Variants in CCDC148 observed in about 807,000 individuals in gnomAD.
The protein encoded by CCDC148 is coiled-coil domain containing 148.
Under a neutral mutation model 85.7 loss-of-function variants are expected in CCDC148, and 89 were observed. The observed-to-expected ratio is 1.04, with a 90% CI of 0.87 to 1.24. The LOEUF (loss-of-function observed/expected upper bound fraction) is 1.24. Among genes scored for constraint, CCDC148 ranks in the 50% most tolerant of loss-of-function variants. CCDC148 has a pLI of 0.00. For synonymous variants in CCDC148, 230 were observed against 213.9 expected (o/e 1.08, Z -0.66); for missense variants, 692 against 671.7 (o/e 1.03, Z -0.33).
intron 2 of CCDC148, among the ~76,000 whole-genome samples, chr2:158,356,816 G>A (rs1459584317): frequency 4.6e-5 from 6 of 131,222 alleles, no homozygotes; most frequent in African/African-American, 1.8e-4. Context: ...CAATAGCAAA[G>A]ACTTGGAACC....
chr2:158,186,863 C>G (rs1056171519), intron 11 of CCDC148, among the ~76,000 whole-genome samples: 1 of 152,038 alleles, frequency 6.6e-6, no homozygotes, highest in African/African-American at 2.4e-5. Flanking sequence ...TTATCTCATT[C>G]TCTCCCCAGC....
At chr2:158,387,559 C>T (rs945346957) in intron 1 of CCDC148, among the ~76,000 whole-genome samples, 6 of 152,104 alleles carry the variant, frequency 3.9e-5, no homozygotes, top group African/African-American at 1.4e-4. Flanking sequence ...AGTCAGTGCT[C>T]CCCTGCCTTC....
chr2:158,443,515 A>AAAAAAAAAAAAAAAAAAGAAAAG (rs1553524474), intron 1 of CCDC148, among the ~76,000 whole-genome samples: 2 of 100,896 alleles, frequency 2.0e-5, no homozygotes, highest in Admixed American at 1.2e-4. Flanking sequence ...AAAAAAAAAA[A>AAAAAAAAAAAAAAAAAAGAAAAG]AAAAAAAAGA....
chr2:158,280,737 G>A (rs1357631221), intron 9 of CCDC148, among the ~76,000 whole-genome samples: 1 of 152,036 alleles, frequency 6.6e-6, no homozygotes, highest in East Asian at 1.9e-4. Flanking sequence ...AAGTCAACAA[G>A]GATACCCAGG....
intron 1 of CCDC148, among the ~76,000 whole-genome samples, chr2:158,364,070 A>G (rs1186123965): frequency 1.3e-5 from 2 of 152,252 alleles, no homozygotes; most frequent in African/African-American, 4.8e-5. Context: ...ATTGCTACAA[A>G]GAGAATAAAA....
intron 11 of CCDC148, among the ~76,000 whole-genome samples, chr2:158,204,870 A>G (rs139627912): frequency 6.6e-6 from 1 of 152,320 alleles, no homozygotes; most frequent in African/African-American, 2.4e-5. Context: ...AGCCACAGGA[A>G]TGTTCCCAGT....
At position 158,438,273 on chromosome 2, in the gene CCDC148, C is replaced by A. The variant is rs545398252; in HGVS notation, c.25+18142G>T. The stretch of plus-strand genomic sequence containing the variant: ...AATAGCATGGTACTGGTACCAAAAC[C>A]GAGATATAGACCAATGGAACAGAAC... On this transcript the variant is annotated intron_variant, in intron 1 of 13. Transcript: ENST00000283233. Among the ~76,000 whole-genome samples, 202 of 152,042 alleles carry A rather than the reference C, an allele frequency of 1.3e-3. 2 individuals carry two copies. The highest frequency in any genetic ancestry group is 3.9e-3 in the African/African-American group (160 of 41,476).
chr2:158,338,489 CAAT>C (rs1682502035), intron 7 of CCDC148: 1 of 352,766 alleles, frequency 2.8e-6, no homozygotes, highest in Non-Finnish European at 5.0e-6. Context: ...GTGAAGAGCT[CAAT>C]AAGAGACATT....
At chr2:158,228,363 C>T (rs975329398) in intron 10 of CCDC148, among the ~76,000 whole-genome samples, 1 of 152,142 alleles carries the variant, frequency 6.6e-6, no homozygotes, top group Admixed American at 6.5e-5. Context: ...GTTGGTGGGA[C>T]TGTAAACTAG....
intron 1 of CCDC148, among the ~76,000 whole-genome samples, chr2:158,385,246 G>T (rs1685038707): frequency 6.6e-6 from 1 of 152,066 alleles, no homozygotes; most frequent in African/African-American, 2.4e-5. Context: ...TCAACTATCA[G>T]GAACCTTAAT....
At chr2:158,340,443 T>C (rs1395313871) in intron 4 of CCDC148, 50 bp from the exon 5 acceptor site, 10 of 1,589,032 alleles carry the variant, frequency 6.3e-6, no homozygotes, top group Non-Finnish European at 8.6e-6. Flanking sequence ...ATTTTAAGTG[T>C]CTCCAAAAAC....
At chr2:158,182,856 T>C (rs1684970287) in intron 11 of CCDC148, among the ~76,000 whole-genome samples, 1 of 152,146 alleles carries the variant, frequency 6.6e-6, no homozygotes, top group Admixed American at 6.6e-5. Flanking sequence ...GGAAGCCAAA[T>C]ACTCACATAT....
intron 1 of CCDC148, among the ~76,000 whole-genome samples, chr2:158,436,453 A>T (rs188996323): frequency 2.0e-5 from 3 of 152,160 alleles, no homozygotes; most frequent in African/African-American, 7.2e-5. Context: ...AACATACCAG[A>T]ATCTCTGGGA....
At chr2:158,298,218 C>A (rs1483743609) in intron 9 of CCDC148, among the ~76,000 whole-genome samples, 3 of 152,158 alleles carry the variant, frequency 2.0e-5, no homozygotes, top group African/African-American at 7.2e-5. Context: ...CCTCCCACAA[C>A]ATGTGGGGAT....
At chr2:158,233,279 G>A (rs1687941714) in intron 10 of CCDC148, among the ~76,000 whole-genome samples, 1 of 152,062 alleles carries the variant, frequency 6.6e-6, no homozygotes, top group East Asian at 1.9e-4. Context: ...TAATAGAAAA[G>A]CATTCTTTTT....
intron 9 of CCDC148, among the ~76,000 whole-genome samples, chr2:158,274,440 T>C (rs539655061): frequency 9.2e-5 from 14 of 152,330 alleles, no homozygotes; most frequent in African/African-American, 2.4e-4. Flanking sequence ...GTGTTAAACA[T>C]AGGTGCAAGC....
chr2:158,240,960 A>T (rs1442518848), intron 10 of CCDC148, among the ~76,000 whole-genome samples: 2 of 152,198 alleles, frequency 1.3e-5, no homozygotes, highest in African/African-American at 2.4e-5. Flanking sequence ...GAGTATTCAC[A>T]CTAGGAAGCA....
chr2:158,389,198 T>C (rs1443671998), intron 1 of CCDC148, among the ~76,000 whole-genome samples: 1 of 152,212 alleles, frequency 6.6e-6, no homozygotes, highest in Non-Finnish European at 1.5e-5. Flanking sequence ...CATATGTTGG[T>C]GGTCCCCAAT....
intron 1 of CCDC148, among the ~76,000 whole-genome samples, chr2:158,419,116 C>T (rs947418222): frequency 3.9e-5 from 6 of 152,030 alleles, no homozygotes; most frequent in African/African-American, 1.2e-4. Flanking sequence ...GTATGATGAT[C>T]AACACTAAGA....
Sources: gnomAD v4.1 joint callset for allele counts (sites outside exome capture counted in the v4.1 genomes callset) on GRCh38, gnomAD v4.1.1 for gene constraint, MANE v1.5 for transcripts, NCBI Gene and HGNC (gene_info 2026-07-23, HGNC 2026-07-21) for gene names.